The following CHD1L variants were observed in gnomAD, a reference collection of about 807,000 sequenced individuals.
CHD1L encodes ATP-dependent chromatin remodeler CHD1L.
CHD1L carries 118 observed loss-of-function variants against 115.9 expected under a neutral mutation model. The ratio of observed to expected loss-of-function variants is 1.02; its 90% CI spans 0.88 to 1.19. The LOEUF (loss-of-function observed/expected upper bound fraction) is 1.19. Ranked by LOEUF, CHD1L falls within the 50% of genes most tolerant of loss-of-function variation. CHD1L has a pLI of 0.00. For missense variants in CHD1L, 1,179 were observed against 1,065.3 expected (o/e 1.11, Z -1.49); for synonymous variants, 411 against 387.1 (o/e 1.06, Z -0.72).
chr1:147,261,191 A>T (rs587700693), intron 6 of CHD1L, among the ~76,000 whole-genome samples: 29 of 152,268 alleles, frequency 1.9e-4, no homozygotes, highest in African/African-American at 7.0e-4. Flanking sequence ...TTTTAACAGT[A>T]TCTCCTTCTG....
chr1:147,206,893 C>T, the CHD1L span, among the ~76,000 whole-genome samples: 1 of 151,888 alleles, frequency 6.6e-6, no homozygotes, highest in Admixed American at 6.6e-5. Context: ...TATAACAAAC[C>T]TGCACGTTGT....
chr1:147,288,785 C>T (rs923227545), intron 19 of CHD1L, among the ~76,000 whole-genome samples: 5 of 152,170 alleles, frequency 3.3e-5, no homozygotes, highest in Non-Finnish European at 5.9e-5. Context: ...TCAGCACAAC[C>T]TTGGGTATAA....
chr1:147,204,251 C>T, the CHD1L span: 9 of 1,143,384 alleles, frequency 7.9e-6, no homozygotes, highest in Admixed American at 1.5e-4. Context: ...ACATCACCTT[C>T]TGTTTCCTTC....
At chr1:147,195,765 G>C in the CHD1L span, among the ~76,000 whole-genome samples, 1 of 152,110 alleles carries the variant, frequency 6.6e-6, no homozygotes, top group South Asian at 2.1e-4. Context: ...TAAAATTGTG[G>C]AATATGGAAT....
chr1:147,252,606 G>GT lies in CHD1L; in HGVS notation c.128-16dup. 1 of 1,599,556 alleles carries GT rather than the reference G, an allele frequency of 6.3e-7. No homozygotes were observed. On this transcript the variant is annotated splice_polypyrimidine_tract_variant and intron_variant, in intron 1 of 22. Transcript: ENST00000369258. The stretch of plus-strand genomic sequence containing the variant: ...GAAATGTCTGCTCTTCGGATTTGCT[G>GT]TATTTTTTGTTTCTAGGGATTCACC...
At chr1:147,179,234 A>G in the CHD1L span, 10 of 1,613,280 alleles carry the variant, frequency 6.2e-6, no homozygotes, top group African/African-American at 6.7e-5. Flanking sequence ...CCAGAGAGCA[A>G]TGATGGGCCT....
chr1:147,211,123 G>T, the CHD1L span: 1 of 152,104 alleles, frequency 6.6e-6, no homozygotes, highest in Non-Finnish European at 1.5e-5. Context: ...GTTTTCCTTT[G>T]CATTTTCCCA....
At chr1:147,229,791 C>A in the CHD1L span, among the ~76,000 whole-genome samples, 2 of 151,848 alleles carry the variant, frequency 1.3e-5, no homozygotes, top group South Asian at 2.1e-4. Flanking sequence ...GGAGTTCACT[C>A]ATGATTTGGC....
chr1:147,253,053 C>T (rs782572926), intron 2 of CHD1L, among the ~76,000 whole-genome samples: 1 of 152,130 alleles, frequency 6.6e-6, no homozygotes, highest in Non-Finnish European at 1.5e-5. Flanking sequence ...TTTGTTTAGA[C>T]TTTTTGCATC....
At chr1:147,239,484 T>C (rs370402251), upstream of CHD1L, among the ~76,000 whole-genome samples, 2 of 152,250 alleles carry the variant, frequency 1.3e-5, no homozygotes, top group Non-Finnish European at 2.9e-5. Context: ...CTCTATCTTT[T>C]CAATAGATCT....
chr1:147,222,240 C>T, the CHD1L span, among the ~76,000 whole-genome samples: 6 of 152,056 alleles, frequency 3.9e-5, no homozygotes, highest in South Asian at 2.1e-4. Flanking sequence ...CGTAGTAGTG[C>T]GTGTATAATT....
the CHD1L span, chr1:147,187,156 A>T: frequency 6.2e-7 from 1 of 1,614,142 alleles, no homozygotes; most frequent in Non-Finnish European, 8.5e-7. Flanking sequence ...CAGAGACAGC[A>T]GATTGGGCCT....
At chr1:147,204,638 C>A in the CHD1L span, 2 of 1,587,280 alleles carry the variant, frequency 1.3e-6, no homozygotes, top group Non-Finnish European at 1.7e-6. Flanking sequence ...TTTGTGCCAT[C>A]TCCAACTTCT....
chr1:147,250,255 G>A (rs111337165), intron 1 of CHD1L, among the ~76,000 whole-genome samples: 1 of 151,706 alleles, frequency 6.6e-6, no homozygotes, highest in Non-Finnish European at 1.5e-5. Context: ...ATCTTTTTTC[G>A]TTCAGTTTGA....
Position 147,284,353 on chromosome 1 carries a change from A to G in CHD1L, c.1708A>G (p.Asn570Asp). The change falls in exon 16 of 23, where the codon AAT (asparagine) becomes GAT (aspartate). Residue 570 changes from asparagine to aspartate, a missense_variant and splice_region_variant. Coordinates refer to ENST00000369258, the MANE Select transcript of CHD1L (RefSeq NM_004284.6). ...GGSRDQEEGK[N>D]HMYLFEGKDY... Reference sequence around the variant, plus strand: ...CTCTTTGTGTTTTATGTTGTTAGAAAATCATATGTACTTATTTGAAGGTAA... The same window carrying G: ...CTCTTTGTGTTTTATGTTGTTAGAAGATCATATGTACTTATTTGAAGGTAA... The G allele has an allele frequency of 6.4e-7, 1 of 1,559,314 alleles. No homozygotes were observed. Among genetic ancestry groups the G allele is most frequent in the South Asian group, 1.2e-5 (1 of 84,108 alleles).
chr1:147,176,785 A>C, the CHD1L span, among the ~76,000 whole-genome samples: 1 of 152,132 alleles, frequency 6.6e-6, no homozygotes, highest in Non-Finnish European at 1.5e-5. Flanking sequence ...CAACTCTAAA[A>C]TTATTTGATG....
chr1:147,285,263 G>A, intron 16 of CHD1L, 61 bp from the exon 17 acceptor site: 1 of 1,547,006 alleles, frequency 6.5e-7, no homozygotes. Context: ...GTGTGTTAGG[G>A]ATAATGAAAT....
chr1:147,212,052 C>T, the CHD1L span, among the ~76,000 whole-genome samples: 2 of 152,198 alleles, frequency 1.3e-5, no homozygotes, highest in Non-Finnish European at 2.9e-5. Flanking sequence ...CTCAATACTG[C>T]TTTCTAACAA....
At chr1:147,179,961 AAAAAT>A in the CHD1L span, among the ~76,000 whole-genome samples, 20 of 151,996 alleles carry the variant, frequency 1.3e-4, no homozygotes, top group South Asian at 4.2e-3. Flanking sequence ...TAAAAAAAAA[AAAAAT>A]AGGAATGCGG....
Sources: gnomAD v4.1 joint callset for allele counts (sites outside exome capture counted in the v4.1 genomes callset) on GRCh38, gnomAD v4.1.1 for gene constraint, MANE v1.5 for transcripts, NCBI Gene and HGNC (gene_info 2026-07-23, HGNC 2026-07-21) for gene names.